DYM: variants seen among roughly 807,000 people sequenced by gnomAD.
DYM encodes dyggve-Melchior-Clausen syndrome protein.
DYM carries 78 observed loss-of-function variants against 93.1 expected under a neutral mutation model. The ratio of observed to expected loss-of-function variants is 0.84; its 90% CI spans 0.70 to 1.01. The LOEUF is 1.01. DYM is among the 50% of genes least tolerant of loss of function. The probability of loss-of-function intolerance (pLI) is 0.00; values close to 1 mark genes in which losing one functional copy is unlikely to be tolerated. For synonymous variants in DYM, 321 were observed against 319.7 expected (o/e 1.00, Z -0.04); for missense variants, 789 against 845.0 (o/e 0.93, Z 0.82).
Position 49,175,897 on chromosome 18 carries a change from C to T in DYM, c.1626-12110G>A, listed in dbSNP as rs116469242. On this transcript the variant is annotated intron_variant, in intron 14 of 17. Transcript: ENST00000675505. ...GTGAAAGAGGTTCCCACCAAAAGGG[C>T]ACACCCTGCATTGTAACTGGAGAAG... 3.0e-3 allele frequency among the ~76,000 whole-genome samples: 459 copies of T among 152,232 alleles called. 3 individuals carry two copies. Among genetic ancestry groups the T allele is most frequent in the African/African-American group, 0.01 (424 of 41,556 alleles).
intron 2 of DYM, among the ~76,000 whole-genome samples, chr18:49,392,681 TAAAAAAAAAAAAAAAA>T (rs869086187): frequency 8.8e-5 from 6 of 68,502 alleles, no homozygotes; most frequent in South Asian, 6.9e-4. Context: ...GGCTTTTATT[TAAAAAAAAAAAAAAAA>T]AAAAAAAAAA....
intron 13 of DYM, among the ~76,000 whole-genome samples, chr18:49,256,377 G>GGCTTTGATAACAGAGGATAAC (rs1430706906): frequency 6.6e-6 from 1 of 152,162 alleles, no homozygotes; most frequent in Non-Finnish European, 1.5e-5. Context: ...ACAATCTACT[G>GGCTTTGATAACAGAGGATAAC]TTGCTGGCTT....
At chr18:49,119,835 C>T (rs1022739843) in intron 15 of DYM, among the ~76,000 whole-genome samples, 2 of 151,740 alleles carry the variant, frequency 1.3e-5, no homozygotes, top group African/African-American at 4.8e-5. Flanking sequence ...TGCCTGTAAT[C>T]CCAGCACTTT....
chr18:49,375,077 T>A (rs2067366711), intron 5 of DYM, among the ~76,000 whole-genome samples: 3 of 151,896 alleles, frequency 2.0e-5, no homozygotes, highest in African/African-American at 7.3e-5. Context: ...ACAGTGAAAC[T>A]GGAGAGTTGT....
intron 17 of DYM, among the ~76,000 whole-genome samples, chr18:49,044,649 A>T (rs2071235946): frequency 6.6e-6 from 1 of 152,136 alleles, no homozygotes; most frequent in Non-Finnish European, 1.5e-5. Context: ...CACAATCCTG[A>T]GCCCTGACCT....
chr18:49,231,668 T>A (rs1337932112), intron 13 of DYM, among the ~76,000 whole-genome samples: 1 of 152,212 alleles, frequency 6.6e-6, no homozygotes, highest in Non-Finnish European at 1.5e-5. Context: ...GTTTCCTTTG[T>A]CAAATAAAGT....
chr18:49,273,130 G>A (rs2094754098), intron 10 of DYM, among the ~76,000 whole-genome samples: 2 of 152,170 alleles, frequency 1.3e-5, no homozygotes, highest in African/African-American at 4.8e-5. Context: ...AAGCTGGTAT[G>A]CCTGGGGCAT....
intron 14 of DYM, among the ~76,000 whole-genome samples, chr18:49,194,923 T>C (rs1403844822): frequency 6.6e-6 from 1 of 152,218 alleles, no homozygotes; most frequent in African/African-American, 2.4e-5. Context: ...TTAGCCTCCA[T>C]AATTTACTTA....
At chr18:49,339,158 C>G (rs1341707460) in intron 6 of DYM, among the ~76,000 whole-genome samples, 1 of 152,162 alleles carries the variant, frequency 6.6e-6, no homozygotes, top group Non-Finnish European at 1.5e-5. Flanking sequence ...ATATAAAAAC[C>G]CTCATGCTCT....
In DYM at chr18:49,162,826, CA is replaced by C. The variant is rs144706312; in HGVS notation, c.1728+858del. 3.5e-3 allele frequency among the ~76,000 whole-genome samples: 530 copies of C among 152,288 alleles called. 7 individuals are homozygous for C. The highest frequency in any genetic ancestry group is 0.021 in the East Asian group (108 of 5,186). Reference sequence around the variant, plus strand: ...AAGACAGCTAAAGGCACTGCACTCACAAGGTTGGAGGGAAGAAGAGGAAGGG... The same window carrying C: ...AAGACAGCTAAAGGCACTGCACTCACAGGTTGGAGGGAAGAAGAGGAAGGG... On this transcript the variant is annotated intron_variant, in intron 15 of 17. Transcript: ENST00000675505.
chr18:49,162,725 G>A (rs1020456304), intron 15 of DYM, among the ~76,000 whole-genome samples: 7 of 152,208 alleles, frequency 4.6e-5, no homozygotes, highest in Admixed American at 4.6e-4. Context: ...TGGTAAGACT[G>A]GAGTCACACC....
chr18:49,068,355 T>C (rs897256203), intron 17 of DYM, among the ~76,000 whole-genome samples: 7 of 152,194 alleles, frequency 4.6e-5, no homozygotes, highest in Admixed American at 3.3e-4. Flanking sequence ...TTCTAACAAC[T>C]AATGCTGAGA....
At chr18:49,303,948 G>A (rs1217365564) in intron 8 of DYM, among the ~76,000 whole-genome samples, 1 of 152,166 alleles carries the variant, frequency 6.6e-6, no homozygotes, top group Non-Finnish European at 1.5e-5. Flanking sequence ...GCTTGTTTGT[G>A]CTGCAGAGCT....
rs774446496 is a variant in DYM at position 49,391,627 on chromosome 18, C to T, written c.159G>A (p.Leu53=). 9.3e-6 allele frequency: 15 copies of T among 1,613,184 alleles called. No individual in the cohort carries two copies. The Admixed American group carries it at 1.0e-4, about 11-fold the overall frequency. The change falls in exon 3 of 18, where the codon TTG becomes TTA. Residue 53 remains leucine (L), a synonymous_variant. Transcript: ENST00000675505. ...TGCAGACTGAAATGGTTGCTTCCTC[C>T]AAGAGTTTCAACTCACTACTGGAGA... ...APTSSSELKL[L]EEATISVCRS... is the part of the protein sequence containing the mutation.
chr18:49,078,221 G>A (rs990320439), intron 17 of DYM, among the ~76,000 whole-genome samples: 3 of 152,018 alleles, frequency 2.0e-5, no homozygotes, highest in Non-Finnish European at 4.4e-5. Flanking sequence ...AAACTGAATT[G>A]CATATTTTAA....
At chr18:49,406,890 C>T (rs143876958) in intron 2 of DYM, among the ~76,000 whole-genome samples, 1 of 152,206 alleles carries the variant, frequency 6.6e-6, no homozygotes, top group Admixed American at 6.5e-5. Flanking sequence ...AAAACTTGTA[C>T]ATGAATTTCA....
intron 15 of DYM, among the ~76,000 whole-genome samples, chr18:49,132,758 A>G (rs2083481223): frequency 6.6e-6 from 1 of 152,182 alleles, no homozygotes; most frequent in South Asian, 2.1e-4. Context: ...AATTTCAAGA[A>G]TTCTGGAAGA....
chr18:49,213,778 A>G (rs1279659472), intron 13 of DYM, among the ~76,000 whole-genome samples: 1 of 152,136 alleles, frequency 6.6e-6, no homozygotes, highest in Admixed American at 6.5e-5. Flanking sequence ...TCATTAGTAG[A>G]CCCATTAGTA....
intron 1 of DYM, among the ~76,000 whole-genome samples, chr18:49,440,416 T>A (rs1437221807): frequency 8.3e-6 from 1 of 120,462 alleles, no homozygotes; most frequent in African/African-American, 3.2e-5. Flanking sequence ...ATATATGCTA[T>A]ATAATATATA....
Sources: allele counts gnomAD v4.1 joint callset (sites outside exome capture counted in the v4.1 genomes callset), GRCh38; gene constraint gnomAD v4.1.1; transcripts MANE v1.5; gene names NCBI Gene and HGNC (gene_info 2026-07-23, HGNC 2026-07-21).